The following ITSN1 variants were observed in gnomAD, a reference collection of about 807,000 sequenced individuals.
The protein encoded by ITSN1 is intersectin 1.
A neutral mutation model predicts 239.8 loss-of-function variants in ITSN1; 58 were observed. That is an observed-to-expected ratio of 0.24 (90% CI 0.20 to 0.30). The LOEUF is 0.30. Ranked by LOEUF, ITSN1 falls within the 10% of genes least tolerant of loss-of-function variation. ITSN1 has a pLI of 1.00. For synonymous variants in ITSN1, 780 were observed against 770.8 expected (o/e 1.01, Z -0.20); for missense variants, 1,558 against 2,103.3 (o/e 0.74, Z 5.07).
At chr21:33,768,814 A>G (rs1056139198) in intron 11 of ITSN1, among the ~76,000 whole-genome samples, 1 of 152,212 alleles carries the variant, frequency 6.6e-6, no homozygotes, top group Non-Finnish European at 1.5e-5. Context: ...GTCTAAACTA[A>G]ATTACCTTTT....
At chr21:33,662,783 A>G (rs938057651) in intron 1 of ITSN1, among the ~76,000 whole-genome samples, 1 of 152,202 alleles carries the variant, frequency 6.6e-6, no homozygotes, top group Non-Finnish European at 1.5e-5. Flanking sequence ...CTGCACGTAC[A>G]CAGGATGAGT....
At chr21:33,684,961 A>C (rs1262600728) in intron 1 of ITSN1, among the ~76,000 whole-genome samples, 1 of 152,194 alleles carries the variant, frequency 6.6e-6, no homozygotes, top group African/African-American at 2.4e-5. Flanking sequence ...CTAACCTTTT[A>C]TTATGAAAAA....
Position 33,888,212 on chromosome 21 carries a change from G to A in ITSN1, c.5078G>A (p.Gly1693Asp). 1 of 1,614,150 alleles carries A rather than the reference G, an allele frequency of 6.2e-7. No homozygotes were observed. The highest frequency in any genetic ancestry group is 8.5e-7 in the Non-Finnish European group (1 of 1,180,022). The change falls in exon 40 of 40, where the codon GGT becomes GAT. Residue 1693 changes from glycine (G) to aspartate (D), a missense_variant. Gly to Asp is a moderately conservative substitution (Grantham distance 94). This residue lies in a region of ITSN1 where 576 missense variants were observed against 893.3 expected (regional missense o/e 0.64). Transcript: ENST00000381318. ...ATCAAGAAAGACCAGGGCTCCAAAG[G>A]TCCAGTTACGAAGTGTCTTCTGCTG... Reference protein sequence around the residue: ...ADIKKDQGSKGPVTKCLLLHE... With the variant: ...ADIKKDQGSKDPVTKCLLLHE...
intron 1 of ITSN1, chr21:33,689,276 CA>C (rs2091396255): frequency 6.6e-6 from 1 of 152,220 alleles, no homozygotes; most frequent in Non-Finnish European, 1.5e-5. Context: ...TGTTGATGGA[CA>C]GTGTCTACAG....
In ITSN1 at chr21:33,897,846, C is replaced by A. The variant is rs1009755932; in HGVS notation, c.*9546C>A. The A allele has an allele frequency of 6.6e-6, 1 of 152,036 alleles. No individual in the cohort carries two copies. Among genetic ancestry groups the A allele is most frequent in the South Asian group, 2.1e-4 (1 of 4,824 alleles). 9.4% of individuals were successfully genotyped at this position (152,036 alleles called of 1,614,324 possible). A position where few individuals can be genotyped will look rare whatever the true frequency, so the allele number is the denominator to read the frequency against. ...TTAATGAGATTACTTGGGTTCAACTCAACTAAATTTCTTATATTAAAAAAA... is the reference window on the plus strand; with the variant it reads ...TTAATGAGATTACTTGGGTTCAACTAAACTAAATTTCTTATATTAAAAAAA... On this transcript the variant is annotated 3_prime_UTR_variant, in exon 40 of 40. Transcript: ENST00000381318.
Position 33,874,035 on chromosome 21 carries a change from G to A in ITSN1, c.4174-1319G>A, listed in dbSNP as rs1428851307. 4.0e-5 allele frequency among the ~76,000 whole-genome samples: 6 copies of A among 150,720 alleles called. No individual in the cohort carries two copies. The East Asian group carries it at 5.9e-4, about 15-fold the overall frequency. ...AAATTAGCCAGGCGTGGTGGCTGTA[G>A]TCCCAGCTACTCGGGAGGCTGAGGC... On this transcript the variant is annotated intron_variant, in intron 33 of 39. Coordinates refer to ENST00000381318, the MANE Select transcript of ITSN1 (RefSeq NM_003024.3).
chr21:33,797,319 G>T lies in ITSN1; in HGVS notation c.1953-60G>T. The stretch of plus-strand genomic sequence containing the variant: ...GATGGAGCTTTTTTTGTGAAAAGAG[G>T]CAACAGTAGTGTTAACTTAGAGTTG... On this transcript the variant is annotated intron_variant, in intron 17 of 39. Transcript: ENST00000381318. The surrounding 1 kb of genome is among the most constrained non-coding windows in gnomAD (Gnocchi z 4.9). 7.0e-7 allele frequency: 1 copy of T among 1,430,276 alleles called. No individual in the cohort carries two copies. The highest frequency in any genetic ancestry group is 9.8e-7 in the Non-Finnish European group (1 of 1,023,884). The allele number at this position is 1,430,276 out of a possible 1,614,324, so 88.6% of individuals were successfully genotyped here.
intron 27 of ITSN1, 46 bp downstream of exon 27, chr21:33,829,791 A>G (rs748918181): frequency 1.8e-4 from 290 of 1,607,360 alleles, no homozygotes; most frequent in Non-Finnish European, 2.4e-4. Flanking sequence ...CCAAGTTTCA[A>G]TACACAAAAT....
intron 17 of ITSN1, among the ~76,000 whole-genome samples, chr21:33,795,071 A>C (rs1208796067): frequency 1.3e-5 from 2 of 152,180 alleles, no homozygotes; most frequent in Non-Finnish European, 2.9e-5. Context: ...TTTGCCTTTT[A>C]AATGTCAGTT....
chr21:33,652,588 C>G (rs956841477), intron 1 of ITSN1, among the ~76,000 whole-genome samples: 2 of 152,080 alleles, frequency 1.3e-5, no homozygotes, highest in East Asian at 1.9e-4. Flanking sequence ...GTTTGTAAAG[C>G]CTTTGCAGCA....
chr21:33,850,849 G>A (rs1978292209), intron 29 of ITSN1, among the ~76,000 whole-genome samples: 1 of 152,202 alleles, frequency 6.6e-6, no homozygotes, highest in Non-Finnish European at 1.5e-5. Context: ...AATTTGCCCA[G>A]GAGAAGCCAG....
chr21:33,824,295 T>G (rs2073858437), intron 25 of ITSN1, among the ~76,000 whole-genome samples: 1 of 152,174 alleles, frequency 6.6e-6, no homozygotes, highest in African/African-American at 2.4e-5. Context: ...TAGTGCAAGT[T>G]GAATGGAATG....
chr21:33,885,399 C>T (rs372507936), intron 37 of ITSN1, 40 bp from the exon 38 acceptor site: 91 of 1,552,806 alleles, frequency 5.9e-5, no homozygotes, highest in Admixed American at 2.2e-4. Context: ...AGGTGTGGCA[C>T]GTTCAAATGA....
chr21:33,666,261 AATAG>A (rs1568882506), intron 1 of ITSN1, among the ~76,000 whole-genome samples: 1 of 152,170 alleles, frequency 6.6e-6, no homozygotes, highest in African/African-American at 2.4e-5. Flanking sequence ...AAATACCCAG[AATAG>A]GCAAATCTGT....
At chr21:33,869,080 T>C (rs1304968124) in intron 33 of ITSN1, among the ~76,000 whole-genome samples, 2 of 152,328 alleles carry the variant, frequency 1.3e-5, no homozygotes, top group African/African-American at 4.8e-5. Flanking sequence ...AGGCCTTGAT[T>C]TTCTTAGCAG....
intron 1 of ITSN1, among the ~76,000 whole-genome samples, chr21:33,685,186 C>CT (rs2091178934): frequency 6.6e-6 from 1 of 152,312 alleles, no homozygotes; most frequent in African/African-American, 2.4e-5. Context: ...CTGAATACAA[C>CT]TTTAAGGAGA....
Position 33,766,675 on chromosome 21 carries a change from C to T in ITSN1, c.926+663C>T, listed in dbSNP as rs114522606. ...TGCAGGAAGGACTGGGGCAAAATCCCCTTTAAATGAAGAGAAATAGAGCCA... is the reference window on the plus strand; with the variant it reads ...TGCAGGAAGGACTGGGGCAAAATCCTCTTTAAATGAAGAGAAATAGAGCCA... On this transcript the variant is annotated intron_variant, in intron 10 of 39. Transcript: ENST00000381318. Among the ~76,000 whole-genome samples, 1,305 of 152,280 alleles carry T rather than the reference C, an allele frequency of 8.6e-3. 21 individuals are homozygous for T. The highest frequency in any genetic ancestry group is 0.03 in the African/African-American group (1,248 of 41,536).
In ITSN1 at chr21:33,722,585, C is replaced by T. The variant is rs768487154; in HGVS notation, c.122-3C>T. The T allele has an allele frequency of 2.8e-6, 4 of 1,450,382 alleles. No individual in the cohort carries two copies. Among genetic ancestry groups the T allele is most frequent in the Non-Finnish European group, 3.7e-6 (4 of 1,090,692 alleles). 89.8% of individuals were successfully genotyped at this position (1,450,382 alleles called of 1,614,324 possible). The stretch of plus-strand genomic sequence containing the variant: ...CCTGAAACTTTTTCTGTTTAATTTA[C>T]AGGTGATCAAGCTAGAAACTTTTTT... On this transcript the variant is annotated splice_polypyrimidine_tract_variant and splice_region_variant and intron_variant, in intron 3 of 39. Transcript: ENST00000381318.
In ITSN1 at chr21:33,814,007, A is replaced by C; in HGVS notation, c.2662A>C (p.Arg888=). The C allele has an allele frequency of 6.2e-7, 1 of 1,614,128 alleles. No homozygotes were observed. Among genetic ancestry groups the C allele is most frequent in the African/African-American group, 1.3e-5 (1 of 75,038 alleles). The change falls in exon 22 of 40, where the codon AGG becomes CGG. Residue 888 remains arginine, a synonymous_variant. Transcript: ENST00000381318. ...SLTVPSAGQL[R]QRSAFTPATA... ...CACCGTTCCAAGTGCCGGCCAGTTAAGGCAGAGGTCCGCCTTTACTCCAGC... is the reference window on the plus strand; with the variant it reads ...CACCGTTCCAAGTGCCGGCCAGTTACGGCAGAGGTCCGCCTTTACTCCAGC...
Sources: gnomAD v4.1 joint callset for allele counts (sites outside exome capture counted in the v4.1 genomes callset) on GRCh38, gnomAD v4.1.1 for gene constraint, gnomAD v4.1.1 regional missense constraint, Gnocchi (gnomAD v3.1) non-coding constraint, MANE v1.5 for transcripts, NCBI Gene and HGNC (gene_info 2026-07-23, HGNC 2026-07-21) for gene names.